The following RABGEF1 variants were observed in gnomAD, a reference collection of about 807,000 sequenced individuals.
RABGEF1 encodes the protein RAB guanine nucleotide exchange factor 1.
A neutral mutation model predicts 57.3 loss-of-function variants in RABGEF1; 26 were observed. The ratio of observed to expected loss-of-function variants is 0.45; its 90% confidence interval spans 0.33 to 0.63. The LOEUF (loss-of-function observed/expected upper bound fraction) is 0.63. Among genes scored for constraint, RABGEF1 ranks in the 20% least tolerant of loss-of-function variants. The pLI is 0.02. For missense variants in RABGEF1, 464 were observed against 607.6 expected, an observed-to-expected ratio of 0.76 and a Z score of 2.48; for synonymous variants, 185 against 210.7, an observed-to-expected ratio of 0.88 and a Z score of 1.06.
intron 1 of RABGEF1, among the ~76,000 whole-genome samples, chr7:66,701,020 C>T (rs1793173224): frequency 6.6e-6 from 1 of 152,148 alleles, no homozygotes. Flanking sequence ...GAGGAGGGAG[C>T]CTGACCCTCC....
intron 1 of RABGEF1, among the ~76,000 whole-genome samples, chr7:66,764,314 T>G (rs1445244098): frequency 6.6e-6 from 1 of 151,744 alleles, no homozygotes; most frequent in Admixed American, 6.6e-5. Flanking sequence ...TAAAAAAAAT[T>G]GTTAATTTTT....
At chr7:66,763,191 C>CTGT (rs2129089590) in intron 1 of RABGEF1, among the ~76,000 whole-genome samples, 1 of 152,212 alleles carries the variant, frequency 6.6e-6, no homozygotes, top group East Asian at 1.9e-4. Flanking sequence ...TCTGAAAGTT[C>CTGT]TGTAGATTAG....
At chr7:66,792,286 G>A (rs1408162972) in intron 4 of RABGEF1, among the ~76,000 whole-genome samples, 3 of 151,988 alleles carry the variant, frequency 2.0e-5, no homozygotes, top group African/African-American at 7.3e-5. Flanking sequence ...CCCTCACTTT[G>A]CCCCTTTGGC....
At chr7:66,738,298 C>T (rs541544000), upstream of RABGEF1, among the ~76,000 whole-genome samples, 4 of 152,200 alleles carry the variant, frequency 2.6e-5, no homozygotes, top group South Asian at 4.2e-4. Flanking sequence ...GGATTACAGG[C>T]GTGAGCCACC....
At chr7:66,734,607 T>A (rs1797723094) in intron 2 of RABGEF1, among the ~76,000 whole-genome samples, 1 of 150,742 alleles carries the variant, frequency 6.6e-6, no homozygotes, top group African/African-American at 2.4e-5. Context: ...ATTTTTTTTT[T>A]TTTTTTTTTT....
Position 66,809,048 on chromosome 7 carries a change from T to C in RABGEF1, c.1240T>C (p.Leu414=). ...AGGCGTCAAGCAAATGTATAAGAAC[T>C]TGGATCTCTTGTCTCAGTTGAATGA... The part of the protein sequence containing the change: ...CLGVKQMYKN[L]DLLSQLNERQ... Residue 414 remains leucine, a synonymous_variant, in exon 9 of 9, where the codon TTG becomes CTG. Transcript: ENST00000284957. The C allele has an allele frequency of 6.2e-7, 1 of 1,614,150 alleles. No individual in the cohort carries two copies. The highest frequency in any genetic ancestry group is 8.5e-7 in the Non-Finnish European group (1 of 1,180,020).
intron 4 of RABGEF1, 72 bp from the exon 5 acceptor site, chr7:66,795,439 G>A: frequency 7.5e-7 from 1 of 1,332,676 alleles, no homozygotes; most frequent in South Asian, 1.2e-5. Flanking sequence ...CTTTTGGAAA[G>A]TTCTTAGAAT....
upstream of RABGEF1, chr7:66,682,127 C>A (rs933293059): frequency 1.2e-5 from 2 of 167,532 alleles, no homozygotes; most frequent in African/African-American, 4.8e-5. Context: ...GCGGGGCAAG[C>A]AGGGGGTGTG....
intron 2 of RABGEF1, among the ~76,000 whole-genome samples, chr7:66,723,330 C>T (rs139946164): frequency 1.3e-5 from 2 of 152,204 alleles, no homozygotes; most frequent in African/African-American, 4.8e-5. Context: ...CATTTTGTCA[C>T]CTTTGACCCA....
In RABGEF1 at chr7:66,723,043, A is replaced by G. The variant is rs1363160788; in HGVS notation, c.-815+10819A>G. Among the ~76,000 whole-genome samples, 90 of 152,004 alleles carry G rather than the reference A, an allele frequency of 5.9e-4. 1 individual carries two copies. Among genetic ancestry groups the G allele is most frequent in the Non-Finnish European group, 4.4e-5 (3 of 68,002 alleles). ...GCGTGCAATGGCGTGATCTTGGCTC[A>G]CTGCAACCTCCACCTCCTGAGTTCA... On this transcript the variant is annotated intron_variant and NMD_transcript_variant, in intron 2 of 9. Transcript: ENST00000607882.
the RABGEF1 span, among the ~76,000 whole-genome samples, chr7:66,655,687 C>T: frequency 6.6e-6 from 1 of 152,152 alleles, no homozygotes; most frequent in South Asian, 2.1e-4. Context: ...GTTAAAGAGT[C>T]CGTTCCTTAA....
At chr7:66,717,372 A>G (rs148293873) in intron 2 of RABGEF1, among the ~76,000 whole-genome samples, 3 of 152,342 alleles carry the variant, frequency 2.0e-5, no homozygotes, top group East Asian at 1.9e-4. Context: ...TAAACATTGA[A>G]ATTCCATTAG....
At chr7:66,670,061 A>G in the RABGEF1 span, among the ~76,000 whole-genome samples, 1 of 151,754 alleles carries the variant, frequency 6.6e-6, no homozygotes, top group Non-Finnish European at 1.5e-5. Context: ...GCCCCATCTC[A>G]TTCTCCTTCT....
chr7:66,797,558 C>T (rs1786284124), intron 6 of RABGEF1, 52 bp downstream of exon 6: 1 of 1,567,498 alleles, frequency 6.4e-7, no homozygotes, highest in Non-Finnish European at 8.7e-7. Flanking sequence ...AATGGAAGAA[C>T]ACACTGGGGG....
chr7:66,797,257 T>A, intron 5 of RABGEF1, 117 bp from the exon 6 acceptor site: 2 of 1,090,922 alleles, frequency 1.8e-6, no homozygotes. Context: ...TGAGCCAAGG[T>A]CATGCTGCTG....
chr7:66,774,100 C>T (rs576400164), intron 2 of RABGEF1, among the ~76,000 whole-genome samples: 2 of 152,354 alleles, frequency 1.3e-5, no homozygotes, highest in Non-Finnish European at 2.9e-5. Flanking sequence ...GGCATCACTA[C>T]TTACCAAGTT....
rs549221760 is a variant in RABGEF1, at chr7:66,756,194, C to G, written c.-18+15402C>G. 11 of 596,994 alleles carry G rather than the reference C, an allele frequency of 1.8e-5. No individual in the cohort carries two copies. The African/African-American group carries it at 2.1e-4, about 11-fold the overall frequency. 37.0% of individuals were successfully genotyped at this position (596,994 alleles called of 1,614,324 possible). ...AAAATATACTAGTGCTAATAAATAT[C>G]TCTAAAGATGGCTAACCTTAGGGAA... On this transcript the variant is annotated intron_variant, in intron 1 of 8. Transcript: ENST00000284957.
At chr7:66,760,285 G>T (rs1803954009) in intron 1 of RABGEF1, among the ~76,000 whole-genome samples, 1 of 152,150 alleles carries the variant, frequency 6.6e-6, no homozygotes, top group Non-Finnish European at 1.5e-5. Context: ...TAGAGTATGT[G>T]ACCTTTTAAG....
upstream of RABGEF1, among the ~76,000 whole-genome samples, chr7:66,739,657 CAAAAAAAAAA>C (rs10554809): frequency 3.7e-4 from 30 of 80,398 alleles, no homozygotes; most frequent in African/African-American, 1.6e-3. Context: ...GTGAGAGTCT[CAAAAAAAAAA>C]AAAAAAAAAA....
Sources: allele counts gnomAD v4.1 joint callset (sites outside exome capture counted in the v4.1 genomes callset), GRCh38; gene constraint gnomAD v4.1.1; transcripts MANE v1.5; gene names NCBI Gene and HGNC (gene_info 2026-07-23, HGNC 2026-07-21).